Variants in RBFOX3 observed in about 807,000 individuals in gnomAD.
RBFOX3 encodes RNA binding fox-1 homolog 3, also known as RNA binding protein fox-1 homolog 3.
A neutral mutation model predicts 48.7 loss-of-function variants in RBFOX3; 17 were observed. The observed-to-expected ratio is 0.35, with a 90% confidence interval of 0.24 to 0.52. The LOEUF (loss-of-function observed/expected upper bound fraction) is 0.52, where lower values mean the gene tolerates loss of function less well. Ranked by LOEUF, RBFOX3 falls within the 20% of genes least tolerant of loss-of-function variation. The pLI, the probability that RBFOX3 is intolerant of heterozygous loss-of-function variation, is 0.94. For missense variants in RBFOX3, 382 were observed against 497.5 expected, an observed-to-expected ratio of 0.77 and a Z score of 2.21; for synonymous variants, 212 against 209.5, an observed-to-expected ratio of 1.01 and a Z score of -0.10.
chr17:79,268,074 G>T (rs1050965008), intron 3 of RBFOX3, among the ~76,000 whole-genome samples: 6 of 152,060 alleles, frequency 3.9e-5, no homozygotes, highest in Non-Finnish European at 7.4e-5. Context: ...TCAACCCTCC[G>T]CATCATCCGT....
intron 4 of RBFOX3, among the ~76,000 whole-genome samples, chr17:79,118,449 G>C (rs951415964): frequency 1.3e-5 from 2 of 152,104 alleles, no homozygotes; most frequent in Admixed American, 1.3e-4. Context: ...GGGAGGAGGA[G>C]GGGGAAGGAG....
Position 79,214,919 on chromosome 17 carries a change from A to G in RBFOX3, c.-34+20847T>C, listed in dbSNP as rs558244077. Among the ~76,000 whole-genome samples, 1 of 152,124 alleles carries G rather than the reference A, an allele frequency of 6.6e-6. No individual in the cohort carries two copies. Among genetic ancestry groups the G allele is most frequent in the African/African-American group, 2.4e-5 (1 of 41,558 alleles). On this transcript the variant is annotated intron_variant, in intron 4 of 14. Coordinates refer to ENST00000693108, the MANE Select transcript of RBFOX3 (RefSeq NM_001350451.2). The surrounding 1 kb of genome is among the most constrained non-coding windows in gnomAD (Gnocchi z 4.7). ...TTTATTTCTCTGGCAATTACCGCTA[A>G]TTTGGAGACGTTCTGCCTTGGCATC...
chr17:79,162,266 T>C lies in RBFOX3; in HGVS notation c.-33-46518A>G, dbSNP rs537306533. On this transcript the variant is annotated intron_variant, in intron 4 of 14. Transcript: ENST00000693108. Reference sequence around the variant, plus strand: ...ATTTGTAATCTGGGAGTTAATGTGGTTTTCTCCTCTTGCAGTCATGGGGCC... The same window carrying C: ...ATTTGTAATCTGGGAGTTAATGTGGCTTTCTCCTCTTGCAGTCATGGGGCC... Among the ~76,000 whole-genome samples, 8 of 152,134 alleles carry C rather than the reference T, an allele frequency of 5.3e-5. 1 individual carries two copies. Among genetic ancestry groups the C allele is most frequent in the African/African-American group, 1.9e-4 (8 of 41,494 alleles).
At chr17:79,129,709 G>T (rs570705677) in intron 4 of RBFOX3, among the ~76,000 whole-genome samples, 1 of 152,268 alleles carries the variant, frequency 6.6e-6, no homozygotes, top group African/African-American at 2.4e-5. Context: ...AACTGGCTCC[G>T]TGGGGAAAAG....
rs549626471 is a variant in RBFOX3, at chr17:79,422,853, G to T, written c.-175+59601C>A. Among the ~76,000 whole-genome samples, 7 of 152,262 alleles carry T rather than the reference G, an allele frequency of 4.6e-5. No individual in the cohort carries two copies. The East Asian group carries it at 1.4e-3, about 29-fold the overall frequency. On this transcript the variant is annotated intron_variant, in intron 2 of 14. Transcript: ENST00000693108. ...AAGTCACAGGGACCCTCATCGGATG[G>T]GATTGATGCCCTTACAGGAAGAGAC...
At chr17:79,412,658 A>G (rs570633469) in intron 2 of RBFOX3, among the ~76,000 whole-genome samples, 1 of 150,262 alleles carries the variant, frequency 6.7e-6, no homozygotes. Context: ...GTTGTGTGTG[A>G]TATGTGTGAG....
chr17:79,277,679 C>T (rs1419043271), intron 3 of RBFOX3, among the ~76,000 whole-genome samples: 1 of 152,144 alleles, frequency 6.6e-6, no homozygotes, highest in East Asian at 1.9e-4. Flanking sequence ...TCCACTGGGT[C>T]AAGGGTCAAG....
chr17:79,468,986 G>GGATGGATGGATA lies in RBFOX3; in HGVS notation c.-175+13467_-175+13468insTATCCATCCATC, dbSNP rs370251658. Among the ~76,000 whole-genome samples, 566 of 91,192 alleles carry GGATGGATGGATA rather than the reference G, an allele frequency of 6.2e-3. 6 individuals carry two copies. The highest frequency in any genetic ancestry group is 6.6e-3 in the Non-Finnish European group (243 of 36,914). The allele number at this position is 91,192 out of a possible 152,430, so 59.8% of individuals were successfully genotyped here. On this transcript the variant is annotated intron_variant, in intron 2 of 14. Transcript: ENST00000693108. ...TGGATGGATGGATGGATGGATGGAT[G>GGATGGATGGATA]GATAGCAGATAGGCAGGCAGGCAGA...
chr17:79,301,845 G>A (rs372929747), intron 3 of RBFOX3, among the ~76,000 whole-genome samples: 6 of 152,320 alleles, frequency 3.9e-5, no homozygotes, highest in African/African-American at 1.4e-4. Context: ...AGTGAAATAA[G>A]CCAGACTCAA....
chr17:79,228,232 C>T (rs372469562), intron 4 of RBFOX3, among the ~76,000 whole-genome samples: 7 of 152,172 alleles, frequency 4.6e-5, no homozygotes, highest in South Asian at 4.1e-4. Flanking sequence ...GTGTTCCCTC[C>T]GGCCTGTGCC....
At chr17:79,178,286 G>C (rs56194180) in intron 4 of RBFOX3, among the ~76,000 whole-genome samples, 5 of 152,092 alleles carry the variant, frequency 3.3e-5, no homozygotes, top group Non-Finnish European at 7.4e-5. Flanking sequence ...CCTAAACTTC[G>C]CTGGGTGTCA....
intron 3 of RBFOX3, among the ~76,000 whole-genome samples, chr17:79,268,901 G>T (rs1296106882): frequency 6.6e-6 from 1 of 152,220 alleles, no homozygotes; most frequent in Non-Finnish European, 1.5e-5. Flanking sequence ...TCCCTGAAAC[G>T]TCTCCCTCTC....
chr17:79,540,234 G>A (rs2089475895), intron 1 of RBFOX3, among the ~76,000 whole-genome samples: 1 of 152,222 alleles, frequency 6.6e-6, no homozygotes, highest in Admixed American at 6.5e-5. Context: ...TATTCAGCGT[G>A]GCTCCGATCT....
chr17:79,135,380 T>A (rs2039952800), intron 4 of RBFOX3, among the ~76,000 whole-genome samples: 1 of 152,150 alleles, frequency 6.6e-6, no homozygotes, highest in Non-Finnish European at 1.5e-5. Flanking sequence ...CCCCAGCCAT[T>A]AGCCTCTCCT....
intron 2 of RBFOX3, among the ~76,000 whole-genome samples, chr17:79,404,454 C>T (rs2063286853): frequency 6.6e-6 from 1 of 152,360 alleles, no homozygotes; most frequent in South Asian, 2.1e-4. Flanking sequence ...TGCTGCAAAG[C>T]CCTCTGTGCC....
chr17:79,328,624 G>A (rs535297188), intron 2 of RBFOX3, among the ~76,000 whole-genome samples: 7 of 152,244 alleles, frequency 4.6e-5, no homozygotes, highest in Middle Eastern at 3.4e-3. Context: ...CCTGACCCTC[G>A]CAGGCACTGG....
chr17:79,236,244 G>T (rs1401261604), intron 3 of RBFOX3, among the ~76,000 whole-genome samples: 1 of 152,168 alleles, frequency 6.6e-6, no homozygotes, highest in Non-Finnish European at 1.5e-5. Flanking sequence ...TCCTCCTCCA[G>T]GTGTAGGGCG....
intron 2 of RBFOX3, among the ~76,000 whole-genome samples, chr17:79,322,259 G>GGAGAGA (rs56112605): frequency 6.6e-6 from 1 of 151,166 alleles, no homozygotes; most frequent in Non-Finnish European, 1.5e-5. Context: ...AGGAAAGAAG[G>GGAGAGA]GAGAGAGAGA....
intron 4 of RBFOX3, among the ~76,000 whole-genome samples, chr17:79,127,342 G>A (rs999808563): frequency 3.9e-5 from 6 of 152,108 alleles, no homozygotes; most frequent in African/African-American, 7.2e-5. Context: ...CAGAGATAAC[G>A]CATCAACAGG....
Sources: gnomAD v4.1 joint callset for allele counts (sites outside exome capture counted in the v4.1 genomes callset) on GRCh38, gnomAD v4.1.1 for gene constraint, Gnocchi (gnomAD v3.1) non-coding constraint, MANE v1.5 for transcripts, NCBI Gene and HGNC (gene_info 2026-07-23, HGNC 2026-07-21) for gene names.